Variants in CTIF observed in about 807,000 individuals in gnomAD.
CTIF encodes the protein CBP80/20-dependent translation initiation factor.
A neutral mutation model predicts 66.0 loss-of-function variants in CTIF; 21 were observed. That is an observed-to-expected ratio of 0.32 (90% CI 0.23 to 0.46). CTIF has a LOEUF of 0.46. CTIF is among the 20% of genes least tolerant of loss of function. The pLI, the probability that CTIF is intolerant of heterozygous loss-of-function variation, is 1.00. For synonymous variants in CTIF, 345 were observed against 326.4 expected (o/e 1.06, Z -0.62); for missense variants, 739 against 812.7 (o/e 0.91, Z 1.10).
At chr18:48,681,078 G>A (rs895452479) in intron 6 of CTIF, among the ~76,000 whole-genome samples, 1 of 152,242 alleles carries the variant, frequency 6.6e-6, no homozygotes, top group Non-Finnish European at 1.5e-5. Context: ...CTGGCTGGAA[G>A]GCGTTTTTCC....
At chr18:48,607,637 A>G (rs781604917) in intron 1 of CTIF, among the ~76,000 whole-genome samples, 1 of 152,172 alleles carries the variant, frequency 6.6e-6, no homozygotes, top group Non-Finnish European at 1.5e-5. Flanking sequence ...AGGAGCTCAT[A>G]GTTTAGCTGG....
At chr18:48,638,361 T>A (rs1055082446) in intron 3 of CTIF, among the ~76,000 whole-genome samples, 2 of 152,210 alleles carry the variant, frequency 1.3e-5, no homozygotes, top group African/African-American at 2.4e-5. Flanking sequence ...AATGTTCCAA[T>A]GAAGAGTCCT....
chr18:48,699,672 C>G (rs931005952), intron 6 of CTIF, among the ~76,000 whole-genome samples: 18 of 152,206 alleles, frequency 1.2e-4, no homozygotes, highest in Admixed American at 1.1e-3. Flanking sequence ...GCCCAGGGGT[C>G]TCCACATGCA....
chr18:48,634,726 C>T (rs906952001), intron 2 of CTIF, among the ~76,000 whole-genome samples: 3 of 152,180 alleles, frequency 2.0e-5, no homozygotes, highest in Non-Finnish European at 2.9e-5. Context: ...CAGGGGTCAG[C>T]CCCTCTGCAG....
At chr18:48,583,212 C>T (rs2089697710) in intron 1 of CTIF, among the ~76,000 whole-genome samples, 4 of 152,174 alleles carry the variant, frequency 2.6e-5, no homozygotes, top group Admixed American at 2.6e-4. Context: ...CTGGCCCTGT[C>T]TGGGTGGGGC....
intron 1 of CTIF, among the ~76,000 whole-genome samples, chr18:48,596,794 G>A (rs1374316935): frequency 6.6e-6 from 1 of 152,166 alleles, no homozygotes; most frequent in Non-Finnish European, 1.5e-5. Flanking sequence ...TTCCTTTAAA[G>A]GGTTCAGTAA....
At chr18:48,554,338 C>T (rs1252992632) in intron 1 of CTIF, among the ~76,000 whole-genome samples, 1 of 152,226 alleles carries the variant, frequency 6.6e-6, no homozygotes, top group Non-Finnish European at 1.5e-5. Context: ...TCTTGCCTCT[C>T]TAGAATGAAC....
intron 9 of CTIF, among the ~76,000 whole-genome samples, chr18:48,786,637 G>A (rs1033349017): frequency 3.3e-5 from 5 of 152,204 alleles, no homozygotes; most frequent in African/African-American, 9.7e-5. Flanking sequence ...GCAGAAACTC[G>A]ATGGAACATG....
chr18:48,549,365 C>T (rs1444640371), intron 1 of CTIF, among the ~76,000 whole-genome samples: 3 of 152,146 alleles, frequency 2.0e-5, no homozygotes, highest in Non-Finnish European at 4.4e-5. Context: ...TGAAAACCAT[C>T]GGGCTTGTGG....
At chr18:48,753,694 G>A (rs746834707) in intron 7 of CTIF, among the ~76,000 whole-genome samples, 8 of 152,062 alleles carry the variant, frequency 5.3e-5, no homozygotes, top group Admixed American at 3.3e-4. Context: ...TTCCTCACCC[G>A]AAGAAGACTT....
intron 1 of CTIF, among the ~76,000 whole-genome samples, chr18:48,615,278 C>T (rs899709078): frequency 6.6e-6 from 1 of 152,160 alleles, no homozygotes; most frequent in Non-Finnish European, 1.5e-5. Context: ...AGGCTGAGAG[C>T]TGTGGAGGTG....
At chr18:48,575,078 C>T (rs2089501177) in intron 1 of CTIF, among the ~76,000 whole-genome samples, 1 of 152,194 alleles carries the variant, frequency 6.6e-6, no homozygotes, top group Non-Finnish European at 1.5e-5. Flanking sequence ...CCCGCCTCTG[C>T]CAGGACTCCT....
intron 1 of CTIF, among the ~76,000 whole-genome samples, chr18:48,600,980 G>A (rs1454967599): frequency 1.3e-5 from 2 of 152,084 alleles, no homozygotes; most frequent in Admixed American, 6.6e-5. Context: ...TCTCAGCCAC[G>A]TAGACACTGT....
At chr18:48,790,708 T>G (rs1170164142) in intron 9 of CTIF, among the ~76,000 whole-genome samples, 1 of 152,182 alleles carries the variant, frequency 6.6e-6, no homozygotes, top group African/African-American at 2.4e-5. Flanking sequence ...GCCAGGGATT[T>G]CAGAGGAACG....
chr18:48,588,117 T>C (rs997369843), intron 1 of CTIF, among the ~76,000 whole-genome samples: 1 of 152,174 alleles, frequency 6.6e-6, no homozygotes, highest in Admixed American at 6.5e-5. Context: ...CTCTGTGCCT[T>C]GTGGGGAGCC....
At chr18:48,837,197 C>A (rs1028652614) in intron 10 of CTIF, among the ~76,000 whole-genome samples, 2 of 152,084 alleles carry the variant, frequency 1.3e-5, no homozygotes, top group Admixed American at 6.5e-5. Flanking sequence ...AAGGGAGGAA[C>A]AACAGCCTCA....
At position 48,811,865 on chromosome 18, in the gene CTIF, C is replaced by T. The variant is rs1377559341; in HGVS notation, c.1372-5356C>T. On this transcript the variant is annotated intron_variant, in intron 9 of 11. Coordinates refer to ENST00000256413, the MANE Select transcript of CTIF (RefSeq NM_014772.3). ...TGTCAGTAATGCTACATACTGACAT[C>T]TCTTTGAAATCCTGATTTCATTTCC... Among the ~76,000 whole-genome samples, 4 of 152,328 alleles carry T rather than the reference C, an allele frequency of 2.6e-5. No homozygotes were observed. In the East Asian group the frequency reaches 7.7e-4, roughly 29 times the overall value.
At chr18:48,803,984 G>GTCC (rs1257926277) in intron 9 of CTIF, among the ~76,000 whole-genome samples, 1 of 152,212 alleles carries the variant, frequency 6.6e-6, no homozygotes, top group Non-Finnish European at 1.5e-5. Flanking sequence ...GACAGGCTGT[G>GTCC]TCCTAGGGCC....
chr18:48,583,748 C>T (rs1315525931), intron 1 of CTIF, among the ~76,000 whole-genome samples: 1 of 152,166 alleles, frequency 6.6e-6, no homozygotes, highest in African/African-American at 2.4e-5. Context: ...GGAAGTTGAG[C>T]AGGTGGCAGG....
Sources: allele counts gnomAD v4.1 joint callset (sites outside exome capture counted in the v4.1 genomes callset), GRCh38; gene constraint gnomAD v4.1.1; transcripts MANE v1.5; gene names NCBI Gene and HGNC (gene_info 2026-07-23, HGNC 2026-07-21).